HMCN1: variants seen among roughly 807,000 people sequenced by gnomAD.
HMCN1 encodes the protein hemicentin 1, also known as hemicentin-1.
HMCN1 carries 321 observed loss-of-function variants against 625.9 expected under a neutral mutation model. The observed-to-expected ratio is 0.51, with a 90% confidence interval of 0.47 to 0.56. The LOEUF (loss-of-function observed/expected upper bound fraction) is 0.56, where lower values mean the gene tolerates loss of function less well. Ranked by LOEUF, HMCN1 falls within the 20% of genes least tolerant of loss-of-function variation. The pLI, the probability that HMCN1 is intolerant of heterozygous loss-of-function variation, is 0.00. For missense variants in HMCN1, 6,588 were observed against 6,887.3 expected, an observed-to-expected ratio of 0.96 and a Z score of 1.54; for synonymous variants, 2,425 against 2,417.6, an observed-to-expected ratio of 1.00 and a Z score of -0.09.
At chr1:185,987,908 C>A (rs545320643) in intron 20 of HMCN1, among the ~76,000 whole-genome samples, 2 of 150,768 alleles carry the variant, frequency 1.3e-5, no homozygotes, top group African/African-American at 2.4e-5. Context: ...ACCCTGGTGG[C>A]GCATGTGGAA....
chr1:186,108,951 C>T (rs563426480), intron 71 of HMCN1, among the ~76,000 whole-genome samples: 5 of 152,288 alleles, frequency 3.3e-5, no homozygotes, highest in South Asian at 4.1e-4. Flanking sequence ...ATAACTTCCA[C>T]GTCTCTAGGG....
chr1:185,835,915 A>G (rs1661137167), intron 1 of HMCN1, among the ~76,000 whole-genome samples: 2 of 152,174 alleles, frequency 1.3e-5, no homozygotes, highest in Admixed American at 6.6e-5. Flanking sequence ...ACTCAATGAA[A>G]AGGAATTCTT....
chr1:186,029,854 G>A (rs1227513276), intron 36 of HMCN1, among the ~76,000 whole-genome samples: 1 of 151,660 alleles, frequency 6.6e-6, no homozygotes, highest in African/African-American at 2.4e-5. Context: ...TTTTAATATG[G>A]ATGCTTGCAG....
At chr1:186,103,404 A>G in intron 68 of HMCN1, 68 bp from the exon 69 acceptor site, 6 of 1,320,610 alleles carry the variant, frequency 4.5e-6, no homozygotes, top group Non-Finnish European at 6.5e-6. Flanking sequence ...TGGATTTTCA[A>G]GTTTTTCTAA....
intron 11 of HMCN1, among the ~76,000 whole-genome samples, chr1:185,947,863 A>G (rs1668424914): frequency 6.6e-6 from 1 of 152,248 alleles, no homozygotes; most frequent in Admixed American, 6.5e-5. Context: ...ATTGTAAATC[A>G]TTCTTAGTGA....
intron 35 of HMCN1, 132 bp downstream of exon 35, chr1:186,019,827 G>A: frequency 4.5e-6 from 3 of 659,618 alleles, no homozygotes; most frequent in Non-Finnish European, 7.3e-6. Context: ...AAAATAATAT[G>A]CATTTTTCTT....
At position 186,132,345 on chromosome 1, in the gene HMCN1, C is replaced by T; in HGVS notation, c.13248C>T (p.Asp4416=). The change falls in exon 86 of 107, where the codon GAC becomes GAT. Residue 4416 remains aspartate, a synonymous_variant. Transcript: ENST00000271588. ...TTCCATAGAATGAAGATGCCGGTGA[C>T]TATACATGTGTAGCTACCAATGAAG... ...IYGTVNEDAG[D]YTCVATNEAG... is the part of the protein sequence containing the mutation. The T allele has an allele frequency of 6.2e-7, 1 of 1,612,736 alleles. No homozygotes were observed. Among genetic ancestry groups the T allele is most frequent in the Non-Finnish European group, 8.5e-7 (1 of 1,179,354 alleles).
At position 185,971,310 on chromosome 1, in the gene HMCN1, C is replaced by CA. The variant is rs532805942; in HGVS notation, c.2371+824dup. 7.8e-4 allele frequency among the ~76,000 whole-genome samples: 119 copies of CA among 152,208 alleles called. 1 individual carries two copies. The highest frequency in any genetic ancestry group is 5.8e-4 in the East Asian group (3 of 5,174). On this transcript the variant is annotated intron_variant, in intron 15 of 106. Coordinates refer to ENST00000271588, the MANE Select transcript of HMCN1 (RefSeq NM_031935.3). The stretch of plus-strand genomic sequence containing the variant: ...CTTCAGTGTATGAAATAAAGTACTA[C>CA]AAAAAAATGTCAATCATAAAATGAA...
intron 99 of HMCN1, 142 bp from the exon 100 acceptor site, chr1:186,166,666 G>A: frequency 1.8e-6 from 2 of 1,120,106 alleles, no homozygotes; most frequent in South Asian, 2.7e-5. Context: ...CACCTGATGT[G>A]ACTCAACCAA....
rs528001400 is a variant in HMCN1 at position 186,003,107 on chromosome 1, T to A, written c.4349-611T>A. 3.9e-5 allele frequency among the ~76,000 whole-genome samples: 6 copies of A among 152,192 alleles called. No homozygotes were observed. The East Asian group carries it at 1.2e-3, about 29-fold the overall frequency. ...ACATCCCACTCCTCCCCTACTGAAA[T>A]CCTTTAGTGGCTGGTCATTTTTCTG... On this transcript the variant is annotated intron_variant, in intron 28 of 106. Transcript: ENST00000271588.
rs1651877941 is a variant in HMCN1, at chr1:185,984,449, T to A, written c.2935+136T>A. On this transcript the variant is annotated intron_variant, in intron 19 of 106. Transcript: ENST00000271588. ...TTGTTATTTCCTATTTCTTGAACAA[T>A]ATCTACATTGTTAATGTTGTTTCCA... 25 of 922,862 alleles carry A rather than the reference T, an allele frequency of 2.7e-5. No individual in the cohort carries two copies. In the South Asian group the frequency reaches 3.5e-4, roughly 13 times the overall value. The allele number at this position is 922,862 out of a possible 1,614,324, so 57.2% of individuals were successfully genotyped here. A position where few individuals can be genotyped will look rare whatever the true frequency, so the allele number is the denominator to read the frequency against.
chr1:185,877,612 ATTTG>A (rs1489252046), intron 4 of HMCN1, among the ~76,000 whole-genome samples: 2 of 151,134 alleles, frequency 1.3e-5, no homozygotes, highest in African/African-American at 4.9e-5. Context: ...ATGATTTTTG[ATTTG>A]TTTATGTCAT....
chr1:185,779,117 T>C (rs540867451), intron 1 of HMCN1, among the ~76,000 whole-genome samples: 4 of 152,368 alleles, frequency 2.6e-5, no homozygotes, highest in African/African-American at 7.2e-5. Flanking sequence ...CATTTTTTCA[T>C]GTGTCTGTTG....
At chr1:185,748,104 G>C (rs1330407946) in intron 1 of HMCN1, among the ~76,000 whole-genome samples, 1 of 131,836 alleles carries the variant, frequency 7.6e-6, no homozygotes, top group Non-Finnish European at 1.6e-5. Flanking sequence ...CTAAGTAATA[G>C]AGAACAAAAT....
At chr1:186,099,126 G>A (rs1660276001) in intron 68 of HMCN1, among the ~76,000 whole-genome samples, 1 of 151,966 alleles carries the variant, frequency 6.6e-6, no homozygotes, top group Non-Finnish European at 1.5e-5. Flanking sequence ...ATATACTATT[G>A]TATATCTCAG....
chr1:185,776,933 T>C (rs998836725), intron 1 of HMCN1, among the ~76,000 whole-genome samples: 2 of 152,220 alleles, frequency 1.3e-5, no homozygotes, highest in Non-Finnish European at 2.9e-5. Context: ...AAGAATAGAA[T>C]TGCCTTTGAA....
intron 25 of HMCN1, among the ~76,000 whole-genome samples, chr1:185,998,693 C>T (rs973930565): frequency 2.6e-5 from 4 of 152,076 alleles, no homozygotes; most frequent in African/African-American, 9.7e-5. Context: ...CTCATTTTCA[C>T]CTGGAATATA....
rs139325165 is a variant in HMCN1, at chr1:185,879,285, C to T, written c.621+13422C>T. On this transcript the variant is annotated intron_variant, in intron 4 of 106. Coordinates refer to ENST00000271588, the MANE Select transcript of HMCN1 (RefSeq NM_031935.3). ...TTCCAGGCCCAAGCAATTCTCCCAC[C>T]TCAGCCTCCTGAGTAGTTAGGATTA... Among the ~76,000 whole-genome samples the T allele has an allele frequency of 4.0e-5, 6 of 151,788 alleles. No homozygotes were observed. The East Asian group carries it at 9.7e-4, about 24-fold the overall frequency.
At chr1:186,021,802 A>G (rs147246249) in intron 35 of HMCN1, among the ~76,000 whole-genome samples, 67 of 152,176 alleles carry the variant, frequency 4.4e-4, no homozygotes, top group African/African-American at 1.6e-3. Flanking sequence ...TAAAGGATCA[A>G]ATTTGAATTT....
Sources: gnomAD v4.1 joint callset for allele counts (sites outside exome capture counted in the v4.1 genomes callset) on GRCh38, gnomAD v4.1.1 for gene constraint, MANE v1.5 for transcripts, NCBI Gene and HGNC (gene_info 2026-07-23, HGNC 2026-07-21) for gene names.